The following NRG1 variants were observed in gnomAD, a reference collection of about 807,000 sequenced individuals.
The protein encoded by NRG1 is neuregulin 1.
In NRG1, 18 loss-of-function variants were observed where a neutral mutation model predicts 63.8. The observed-to-expected ratio is 0.28, with a 90% CI of 0.19 to 0.42. The LOEUF is 0.42. Among genes scored for constraint, NRG1 ranks in the 10% least tolerant of loss-of-function variants. The pLI, the probability that NRG1 is intolerant of heterozygous loss-of-function variation, is 1.00. For synonymous variants in NRG1, 302 were observed against 301.3 expected, an observed-to-expected ratio of 1.00 and a Z score of -0.02; for missense variants, 762 against 814.7, an observed-to-expected ratio of 0.94 and a Z score of 0.79.
chr8:32,543,417 G>C (rs1475738860), upstream of NRG1, among the ~76,000 whole-genome samples: 3 of 152,014 alleles, frequency 2.0e-5, no homozygotes, highest in Non-Finnish European at 4.4e-5. Flanking sequence ...GCAGAGGTCA[G>C]AAAAAATAAC....
In NRG1 at chr8:31,639,824, A is replaced by G. The variant is rs1213985815; in HGVS notation, c.37+393A>G. 3 of 1,198,734 alleles carry G rather than the reference A, an allele frequency of 2.5e-6. No homozygotes were observed. In the African/African-American group the frequency reaches 4.9e-5, roughly 20 times the overall value. 74.3% of individuals were successfully genotyped at this position (1,198,734 alleles called of 1,614,324 possible). On this transcript the variant is annotated intron_variant, in intron 1 of 10. Transcript: ENST00000519301. ...ACTTCTTCCCCCTCCTCCTCCCATA[A>G]ACAACTCTCCTACCCCTGCACCCCC...
At chr8:32,036,320 C>T (rs1349468339) in intron 1 of NRG1, among the ~76,000 whole-genome samples, 2 of 134,668 alleles carry the variant, frequency 1.5e-5, no homozygotes, top group Non-Finnish European at 3.4e-5. Context: ...ATGGGCTTTT[C>T]TTCATAAGTG....
intron 1 of NRG1, among the ~76,000 whole-genome samples, chr8:31,794,628 A>T (rs17603220): frequency 0.11 from 16,798 of 151,880 alleles, 1,274 homozygotes; most frequent in Admixed American, 0.19. Context: ...GGGATATATC[A>T]AATAATGTCT....
chr8:31,702,309 A>T (rs1186419036), intron 1 of NRG1, among the ~76,000 whole-genome samples: 4 of 152,302 alleles, frequency 2.6e-5, no homozygotes, highest in Middle Eastern at 3.4e-3. Context: ...ATGCCACTTC[A>T]TGGAATCACG....
chr8:32,329,014 A>ACT (rs148084741), intron 1 of NRG1, among the ~76,000 whole-genome samples: 14,043 of 152,144 alleles, frequency 0.092, 891 homozygotes, highest in African/African-American at 0.17. Flanking sequence ...TGTCACCCAG[A>ACT]CTGGAGTGCA....
intron 1 of NRG1, among the ~76,000 whole-genome samples, chr8:32,178,618 A>G (rs1841063666): frequency 6.6e-6 from 1 of 152,192 alleles, no homozygotes; most frequent in Non-Finnish European, 1.5e-5. Flanking sequence ...TCAAAAAAAT[A>G]GAAAGATCAT....
At chr8:32,366,677 GTATATATATATATATATA>G (rs71208175) in intron 1 of NRG1, among the ~76,000 whole-genome samples, 23 of 87,516 alleles carry the variant, frequency 2.6e-4, no homozygotes, top group South Asian at 3.9e-4. Context: ...GTGTGTGTGT[GTATATATATATATATATA>G]TATATATATA....
chr8:32,652,601 G>A (rs2976522), intron 5 of NRG1, among the ~76,000 whole-genome samples: 7,399 of 151,896 alleles, frequency 0.049, 597 homozygotes, highest in East Asian at 0.36. Flanking sequence ...AATTTCAACT[G>A]TCTTTAATGA....
At chr8:32,400,154 C>T (rs1259136073) in intron 1 of NRG1, among the ~76,000 whole-genome samples, 4 of 152,024 alleles carry the variant, frequency 2.6e-5, no homozygotes, top group South Asian at 2.1e-4. Context: ...TACATTAACC[C>T]GAGCCTAAAA....
intron 1 of NRG1, among the ~76,000 whole-genome samples, chr8:32,379,244 T>C (rs1462494578): frequency 6.6e-6 from 1 of 152,296 alleles, no homozygotes. Context: ...TGAGAGATTA[T>C]GCCTTAAAAC....
At chr8:31,782,200 T>G (rs986452698) in intron 1 of NRG1, among the ~76,000 whole-genome samples, 24 of 152,194 alleles carry the variant, frequency 1.6e-4, no homozygotes, top group African/African-American at 5.5e-4. Context: ...GGTCTTCAGA[T>G]GCACTGAACA....
chr8:31,989,450 G>A (rs999720135), intron 1 of NRG1, among the ~76,000 whole-genome samples: 15 of 151,592 alleles, frequency 9.9e-5, no homozygotes, highest in African/African-American at 2.2e-4. Flanking sequence ...AGTTTGCATC[G>A]TCTTCATACA....
intron 1 of NRG1, among the ~76,000 whole-genome samples, chr8:32,588,077 A>G (rs1241579937): frequency 1.3e-5 from 2 of 152,008 alleles, no homozygotes; most frequent in Non-Finnish European, 2.9e-5. Context: ...GTGTGCCACA[A>G]TGCTTGGCTA....
At chr8:32,391,429 G>A (rs534668916) in intron 1 of NRG1, among the ~76,000 whole-genome samples, 14 of 152,120 alleles carry the variant, frequency 9.2e-5, no homozygotes, top group East Asian at 7.7e-4. Context: ...CTCATGTCAC[G>A]GGGATCTGTT....
chr8:32,007,021 T>C (rs1222828511), intron 1 of NRG1, among the ~76,000 whole-genome samples: 1 of 152,072 alleles, frequency 6.6e-6, no homozygotes, highest in Non-Finnish European at 1.5e-5. Flanking sequence ...TGGTGTTTGA[T>C]ATTTCAGAGT....
At chr8:32,638,451 A>G (rs1851739168) in intron 5 of NRG1, among the ~76,000 whole-genome samples, 1 of 152,198 alleles carries the variant, frequency 6.6e-6, no homozygotes, top group South Asian at 2.1e-4. Flanking sequence ...TTTACTCCAA[A>G]TAACTACTGA....
chr8:32,759,322 A>T (rs921506817), exon 10 of NRG1: 5 of 1,613,576 alleles, frequency 3.1e-6, no homozygotes, highest in Non-Finnish European at 4.2e-6. Flanking sequence ...GTATCTAAAA[A>T]CGTCATCTCC....
chr8:32,148,421 C>T (rs371316763), intron 1 of NRG1, among the ~76,000 whole-genome samples: 10 of 152,206 alleles, frequency 6.6e-5, no homozygotes, highest in South Asian at 2.1e-4. Flanking sequence ...TTTTTTGAGA[C>T]GGAGTCTAGC....
chr8:31,874,994 A>C (rs1208512604), intron 1 of NRG1, among the ~76,000 whole-genome samples: 1 of 152,214 alleles, frequency 6.6e-6, no homozygotes, highest in African/African-American at 2.4e-5. Context: ...AAAAATGACA[A>C]GGTTATCCCA....
Sources: allele counts gnomAD v4.1 joint callset (sites outside exome capture counted in the v4.1 genomes callset), GRCh38; gene constraint gnomAD v4.1.1; transcripts MANE v1.5; gene names NCBI Gene and HGNC (gene_info 2026-07-23, HGNC 2026-07-21).